Variants in ARMH3 observed in about 807,000 individuals in gnomAD.
ARMH3 encodes the protein armadillo like helical domain containing 3.
ARMH3 carries 60 observed loss-of-function variants against 99.1 expected under a neutral mutation model. The observed-to-expected ratio is 0.61, with a 90% CI of 0.49 to 0.75. ARMH3 has a LOEUF of 0.75. ARMH3 is among the 30% of genes least tolerant of loss of function. The pLI is 0.00. For missense variants in ARMH3, 679 were observed against 843.1 expected (o/e 0.81, Z 2.41); for synonymous variants, 285 against 292.8 (o/e 0.97, Z 0.27).
intron 23 of ARMH3, among the ~76,000 whole-genome samples, chr10:101,924,980 G>A (rs895002122): frequency 6.6e-6 from 1 of 152,132 alleles, no homozygotes; most frequent in Admixed American, 6.5e-5. Context: ...GCAATAGAGA[G>A]AGACTCCGTC....
At position 102,025,205 on chromosome 10, in the gene ARMH3, G is replaced by C; in HGVS notation, c.458C>G (p.Ser153Cys). Residue 153 changes from serine to cysteine, a missense_variant, in exon 6 of 26, where the codon TCT becomes TGT. Transcript: ENST00000370033. ...SLDSLLCAEG[S>C]ESLKSLCLKL... is the part of the protein sequence containing the mutation. ...CAGACATAAACTCTTCAGACTTTCA[G>C]AACCTTCTGCACAAAGCAATGAATC... is the stretch of plus-strand genomic sequence containing the variant. 6.2e-6 allele frequency: 10 copies of C among 1,613,898 alleles called. No homozygotes were observed. Among genetic ancestry groups the C allele is most frequent in the Non-Finnish European group, 8.5e-6 (10 of 1,179,978 alleles).
At chr10:101,963,878 C>CT (rs1177050739) in intron 20 of ARMH3, among the ~76,000 whole-genome samples, 4,130 of 135,662 alleles carry the variant, frequency 0.03, 121 homozygotes, top group African/African-American at 0.076. Flanking sequence ...CTTTTTCTTT[C>CT]TTTTTTTTTT....
At chr10:101,942,618 T>C (rs927025923) in intron 22 of ARMH3, among the ~76,000 whole-genome samples, 5 of 152,056 alleles carry the variant, frequency 3.3e-5, no homozygotes, top group African/African-American at 1.2e-4. Flanking sequence ...TCCCAGCACT[T>C]TGGGAGACTG....
At chr10:102,040,321 G>C (rs1204924737) in intron 1 of ARMH3, among the ~76,000 whole-genome samples, 196 bp from the exon 2 acceptor site, 1 of 152,156 alleles carries the variant, frequency 6.6e-6, no homozygotes, top group Non-Finnish European at 1.5e-5. Flanking sequence ...CACTCTAGTG[G>C]GGGATGTTGT....
At chr10:101,968,592 G>T (rs914531281) in intron 20 of ARMH3, among the ~76,000 whole-genome samples, 2 of 152,158 alleles carry the variant, frequency 1.3e-5, no homozygotes, top group African/African-American at 2.4e-5. Context: ...TTCTGGATAG[G>T]AAGTGACTGC....
chr10:101,991,798 T>C (rs149815823), intron 18 of ARMH3, among the ~76,000 whole-genome samples, 171 bp downstream of exon 18: 2 of 152,322 alleles, frequency 1.3e-5, no homozygotes, highest in East Asian at 1.9e-4. Flanking sequence ...ACTCTATAAC[T>C]GGGGTTGCTT....
chr10:101,964,112 G>A (rs565705056), intron 20 of ARMH3, among the ~76,000 whole-genome samples: 59 of 152,210 alleles, frequency 3.9e-4, no homozygotes, highest in Admixed American at 2.0e-3. Flanking sequence ...TCCTGACCTC[G>A]TGATCCGCCC....
At chr10:101,915,922 G>C (rs1564748684) in intron 23 of ARMH3, among the ~76,000 whole-genome samples, 1 of 150,494 alleles carries the variant, frequency 6.6e-6, no homozygotes, top group Non-Finnish European at 1.5e-5. Context: ...TCCTGCCTCA[G>C]CCTCCGGAGT....
chr10:101,919,148 A>G (rs1209813244), intron 23 of ARMH3, among the ~76,000 whole-genome samples: 1 of 152,182 alleles, frequency 6.6e-6, no homozygotes, highest in East Asian at 1.9e-4. Context: ...AAAAAGGGGG[A>G]GGGGGCATAT....
chr10:102,047,432 G>T (rs929391141), intron 1 of ARMH3, among the ~76,000 whole-genome samples: 1 of 151,764 alleles, frequency 6.6e-6, no homozygotes, highest in Non-Finnish European at 1.5e-5. Flanking sequence ...ATCTCCTGGG[G>T]TGCCTCCTAA....
intron 23 of ARMH3, among the ~76,000 whole-genome samples, chr10:101,906,122 T>C (rs1315865978): frequency 6.6e-6 from 1 of 152,258 alleles, no homozygotes; most frequent in Non-Finnish European, 1.5e-5. Context: ...CACATTTCAT[T>C]GTATAAATAT....
intron 2 of ARMH3, among the ~76,000 whole-genome samples, chr10:102,035,375 A>G (rs974944731): frequency 2.6e-5 from 4 of 151,954 alleles, no homozygotes; most frequent in Non-Finnish European, 5.9e-5. Context: ...AAAAAAGAAA[A>G]CAAGCTCTCC....
chr10:102,044,638 G>T (rs945965945), intron 1 of ARMH3, among the ~76,000 whole-genome samples: 3 of 152,016 alleles, frequency 2.0e-5, no homozygotes, highest in African/African-American at 7.2e-5. Flanking sequence ...TGCTAGAATT[G>T]CAGGCGTGAG....
chr10:101,935,239 A>G (rs537232711), intron 23 of ARMH3, among the ~76,000 whole-genome samples: 1 of 149,418 alleles, frequency 6.7e-6, no homozygotes, highest in South Asian at 2.1e-4. Context: ...ACTCTCCTAT[A>G]GAGAAGAAAA....
chr10:101,863,804 T>C (rs888520876), intron 24 of ARMH3, among the ~76,000 whole-genome samples: 2 of 151,864 alleles, frequency 1.3e-5, no homozygotes, highest in Non-Finnish European at 2.9e-5. Flanking sequence ...GGCTCACACC[T>C]GTAATCCCAG....
intron 24 of ARMH3, among the ~76,000 whole-genome samples, chr10:101,878,780 T>C (rs999099330): frequency 1.3e-5 from 2 of 151,964 alleles, no homozygotes; most frequent in Admixed American, 6.6e-5. Context: ...TGAGCTATAA[T>C]TGTGTTACTG....
At chr10:101,990,638 A>G in intron 18 of ARMH3, 27 bp from the exon 19 acceptor site, 1 of 1,542,448 alleles carries the variant, frequency 6.5e-7, no homozygotes, top group Non-Finnish European at 8.9e-7. Flanking sequence ...GAAAAACTGG[A>G]TCAATTACAA....
intron 19 of ARMH3, among the ~76,000 whole-genome samples, 180 bp downstream of exon 19, chr10:101,990,371 G>A (rs911604914): frequency 1.3e-5 from 2 of 151,918 alleles, no homozygotes; most frequent in Non-Finnish European, 2.9e-5. Context: ...TTTTTGTAGA[G>A]ACGGGGTTTC....
chr10:101,870,215 C>G (rs1589938133), intron 24 of ARMH3, among the ~76,000 whole-genome samples: 1 of 152,120 alleles, frequency 6.6e-6, no homozygotes, highest in African/African-American at 2.4e-5. Context: ...TTTCAAGGAA[C>G]AGGGAGAATT....
Sources: allele counts gnomAD v4.1 joint callset (sites outside exome capture counted in the v4.1 genomes callset), GRCh38; gene constraint gnomAD v4.1.1; transcripts MANE v1.5; gene names NCBI Gene and HGNC (gene_info 2026-07-23, HGNC 2026-07-21).